Variants in ME3 observed in about 807,000 individuals in gnomAD.
The protein encoded by ME3 is NADP-dependent malic enzyme, mitochondrial.
ME3 carries 48 observed loss-of-function variants against 68.9 expected under a neutral mutation model. The ratio of observed to expected loss-of-function variants is 0.70; its 90% CI spans 0.55 to 0.89. The LOEUF (loss-of-function observed/expected upper bound fraction) is 0.89, where lower values mean the gene tolerates loss of function less well. Ranked by LOEUF, ME3 falls within the 40% of genes least tolerant of loss-of-function variation. The pLI, the probability that ME3 is intolerant of heterozygous loss-of-function variation, is 0.00. For missense variants in ME3, 675 were observed against 797.4 expected (o/e 0.85, Z 1.85); for synonymous variants, 320 against 318.8 (o/e 1.00, Z -0.04).
chr11:86,470,942 T>C (rs1950746469), intron 7 of ME3, among the ~76,000 whole-genome samples: 1 of 151,698 alleles, frequency 6.6e-6, no homozygotes, highest in African/African-American at 2.4e-5. Context: ...CCAAATTCCT[T>C]AGGTAGTGTT....
exon 6 of ME3, chr11:86,497,964 T>C: frequency 6.3e-7 from 1 of 1,598,864 alleles, no homozygotes; most frequent in South Asian, 1.1e-5. Flanking sequence ...GTGGGTTACC[T>C]CATTGTTGGT....
chr11:86,645,313 C>T lies in ME3; in HGVS notation c.183+26449G>A, dbSNP rs1057511940. On this transcript the variant is annotated intron_variant, in intron 2 of 14. Coordinates refer to ENST00000543262, the Ensembl canonical transcript of ME3. ...AGCCCAGCAAACTAAGATCCACTGG[C>T]TTGAAATTCTCACTGCCAGCACAGC... 8.5e-5 allele frequency among the ~76,000 whole-genome samples: 13 copies of T among 152,316 alleles called. 1 individual carries two copies. Among genetic ancestry groups the T allele is most frequent in the Admixed American group, 3.9e-4 (6 of 15,292 alleles).
intron 4 of ME3, among the ~76,000 whole-genome samples, chr11:86,540,035 G>A (rs1280224898): frequency 6.6e-6 from 1 of 152,310 alleles, no homozygotes; most frequent in African/African-American, 2.4e-5. Flanking sequence ...AAATGACTCA[G>A]TATGGCAGAT....
At chr11:86,622,448 G>T (rs571874704) in intron 2 of ME3, among the ~76,000 whole-genome samples, 1 of 151,926 alleles carries the variant, frequency 6.6e-6, no homozygotes, top group South Asian at 2.1e-4. Flanking sequence ...ATACCTAATA[G>T]TGTCTGTTAG....
At chr11:86,450,066 T>A in intron 9 of ME3, 64 bp from the exon 10 acceptor site, 2 of 1,322,266 alleles carry the variant, frequency 1.5e-6, no homozygotes, top group Non-Finnish European at 2.1e-6. Context: ...ATTTATCTGA[T>A]GTCTTGCCAT....
At chr11:86,463,837 A>C (rs1043555053) in intron 8 of ME3, among the ~76,000 whole-genome samples, 5 of 152,244 alleles carry the variant, frequency 3.3e-5, no homozygotes, top group African/African-American at 1.2e-4. Flanking sequence ...GTGAATGGTT[A>C]TAGACTGCAA....
intron 5 of ME3, among the ~76,000 whole-genome samples, chr11:86,505,810 A>G (rs771900384): frequency 1.3e-4 from 20 of 152,230 alleles, no homozygotes; most frequent in Non-Finnish European, 2.6e-4. Context: ...TCCTCTACAT[A>G]GTCGCTGGGA....
intron 10 of ME3, among the ~76,000 whole-genome samples, chr11:86,448,822 A>G (rs559635230): frequency 6.6e-6 from 1 of 152,312 alleles, no homozygotes; most frequent in African/African-American, 2.4e-5. Context: ...GTGCTGGTAA[A>G]TGGGTTCAGA....
At chr11:86,557,176 G>A (rs1288074160) in intron 3 of ME3, among the ~76,000 whole-genome samples, 2 of 152,126 alleles carry the variant, frequency 1.3e-5, no homozygotes, top group African/African-American at 2.4e-5. Flanking sequence ...GTAGGGTCAA[G>A]GAAAATTCTG....
chr11:86,532,398 A>C (rs1231974862), intron 4 of ME3, among the ~76,000 whole-genome samples: 1 of 152,206 alleles, frequency 6.6e-6, no homozygotes, highest in African/African-American at 2.4e-5. Flanking sequence ...ATTTCTTCCA[A>C]CTGCAACAGA....
intron 2 of ME3, among the ~76,000 whole-genome samples, chr11:86,614,193 C>G (rs1472845068): frequency 3.3e-5 from 5 of 152,168 alleles, no homozygotes; most frequent in Non-Finnish European, 5.9e-5. Flanking sequence ...CTGGAGAAGA[C>G]AGAGCTTAAA....
chr11:86,438,174 T>C (rs929378987), downstream of ME3, among the ~76,000 whole-genome samples: 2 of 152,168 alleles, frequency 1.3e-5, no homozygotes, highest in Non-Finnish European at 2.9e-5. Flanking sequence ...TTGTTTAGGG[T>C]TTTTTCATAA....
chr11:86,442,785 T>C (rs747167405), intron 14 of ME3, 36 bp downstream of exon 14: 1 of 1,521,840 alleles, frequency 6.6e-7, no homozygotes, highest in East Asian at 2.3e-5. Flanking sequence ...TGGTTGAGCC[T>C]CACTACCCAT....
chr11:86,446,994 C>T, intron 12 of ME3, 71 bp downstream of exon 12: 1 of 1,537,852 alleles, frequency 6.5e-7, no homozygotes. Flanking sequence ...TATTTTTCAC[C>T]CTCATGAGGT....
chr11:86,557,068 G>T (rs1240968956), intron 3 of ME3, among the ~76,000 whole-genome samples: 1 of 152,212 alleles, frequency 6.6e-6, no homozygotes. Flanking sequence ...TAAGCAGTCT[G>T]ACTCTGGAAT....
intron 5 of ME3, among the ~76,000 whole-genome samples, chr11:86,507,313 G>T (rs1258933111): frequency 6.6e-6 from 1 of 152,154 alleles, no homozygotes; most frequent in Non-Finnish European, 1.5e-5. Context: ...TTTCTAACTA[G>T]ACTTTGAGCT....
At chr11:86,462,562 T>A in intron 8 of ME3, 1 of 1,272,118 alleles carries the variant, frequency 7.9e-7, no homozygotes, top group African/African-American at 1.5e-5. Context: ...GTAGACATAC[T>A]CACATGAACA....
chr11:86,450,172 G>C (rs1456451349), intron 9 of ME3, 129 bp downstream of exon 9: 9 of 1,018,324 alleles, frequency 8.8e-6, no homozygotes, highest in Non-Finnish European at 1.3e-5. Flanking sequence ...CTAGGCAGCT[G>C]CAATGATCAC....
At chr11:86,586,579 TA>T (rs1402898711) in intron 2 of ME3, among the ~76,000 whole-genome samples, 1 of 152,172 alleles carries the variant, frequency 6.6e-6, no homozygotes, top group Non-Finnish European at 1.5e-5. Context: ...AGAAGGTCTA[TA>T]AGCTGGTGCC....
Sources: gnomAD v4.1 joint callset for allele counts (sites outside exome capture counted in the v4.1 genomes callset) on GRCh38, gnomAD v4.1.1 for gene constraint, MANE v1.5 for transcripts, NCBI Gene and HGNC (gene_info 2026-07-23, HGNC 2026-07-21) for gene names.